The following MYO10 variants were observed in gnomAD, a reference collection of about 807,000 sequenced individuals.
The protein encoded by MYO10 is myosin X.
MYO10 carries 133 observed loss-of-function variants against 257.3 expected under a neutral mutation model. The ratio of observed to expected loss-of-function variants is 0.52; its 90% CI spans 0.45 to 0.60. MYO10 has a LOEUF of 0.60. Ranked by LOEUF, MYO10 falls within the 20% of genes least tolerant of loss-of-function variation. The pLI is 0.00. For synonymous variants in MYO10, 1,104 were observed against 1,028.6 expected (o/e 1.07, Z -1.40); for missense variants, 2,399 against 2,635.7 (o/e 0.91, Z 1.97).
intron 1 of MYO10, among the ~76,000 whole-genome samples, chr5:16,906,216 C>A (rs1745514846): frequency 6.6e-6 from 1 of 151,830 alleles, no homozygotes; most frequent in Non-Finnish European, 1.5e-5. Context: ...CCAGAATGGA[C>A]CCCCCCATTC....
chr5:16,707,867 A>C (rs1738417241), intron 21 of MYO10, among the ~76,000 whole-genome samples: 1 of 152,198 alleles, frequency 6.6e-6, no homozygotes, highest in Admixed American at 6.5e-5. Context: ...TGTTTTGGAT[A>C]AGTCAGCCAG....
chr5:16,929,232 C>A (rs1746229237), intron 1 of MYO10, among the ~76,000 whole-genome samples: 1 of 152,258 alleles, frequency 6.6e-6, no homozygotes, highest in East Asian at 1.9e-4. Flanking sequence ...GGATTACAGG[C>A]ATGAGCCACT....
chr5:16,711,294 T>C, intron 19 of MYO10, 49 bp from the exon 20 acceptor site: 3 of 1,568,086 alleles, frequency 1.9e-6, no homozygotes, highest in Non-Finnish European at 2.6e-6. Flanking sequence ...AAAAATGGAA[T>C]TCGATAAGGG....
chr5:16,854,030 G>C (rs1355664815), intron 2 of MYO10: 1 of 151,996 alleles, frequency 6.6e-6, no homozygotes, highest in Non-Finnish European at 1.5e-5. Flanking sequence ...TCGTGATCTC[G>C]TCTGATCTCG....
At chr5:16,747,298 A>T (rs920685506) in intron 19 of MYO10, among the ~76,000 whole-genome samples, 1 of 152,222 alleles carries the variant, frequency 6.6e-6, no homozygotes, top group African/African-American at 2.4e-5. Context: ...ATCAAAGATG[A>T]TCAGAAGAGA....
In MYO10 at chr5:16,843,243, C is replaced by T. The variant is rs545757720; in HGVS notation, c.121-25076G>A. On this transcript the variant is annotated intron_variant, in intron 2 of 40. Coordinates refer to ENST00000513610, the MANE Select transcript of MYO10 (RefSeq NM_012334.3). Reference sequence around the variant, plus strand: ...CAAGTATGCTCCACGCCCCATTCTCCCCTTCTAATTTTCTATGGCAATGAC... The same window carrying T: ...CAAGTATGCTCCACGCCCCATTCTCTCCTTCTAATTTTCTATGGCAATGAC... Among the ~76,000 whole-genome samples the T allele has an allele frequency of 5.3e-5, 8 of 152,290 alleles. No individual in the cohort carries two copies. In the East Asian group the frequency reaches 1.5e-3, roughly 29 times the overall value.
chr5:16,674,826 C>T (rs771500842), intron 35 of MYO10, 27 bp downstream of exon 35: 2 of 1,612,620 alleles, frequency 1.2e-6, no homozygotes, highest in Non-Finnish European at 1.7e-6. Flanking sequence ...CTCTGCCCAG[C>T]TCATCTCCCG....
intron 28 of MYO10, among the ~76,000 whole-genome samples, chr5:16,687,002 A>G (rs1384325968): frequency 6.6e-6 from 1 of 152,104 alleles, no homozygotes; most frequent in African/African-American, 2.4e-5. Flanking sequence ...GTACTCTCAC[A>G]TCCAACCTCA....
At chr5:16,925,707 C>T (rs62371042) in intron 1 of MYO10, among the ~76,000 whole-genome samples, 4 of 152,144 alleles carry the variant, frequency 2.6e-5, no homozygotes, top group Admixed American at 6.6e-5. Flanking sequence ...CCACCGTGTC[C>T]GGCCTCAGTT....
intron 2 of MYO10, 130 bp from the exon 3 acceptor site, chr5:16,818,297 T>C: frequency 2.6e-6 from 2 of 775,538 alleles, no homozygotes; most frequent in Middle Eastern, 3.4e-4. Context: ...CAATCAAAAA[T>C]ATATCGCAAA....
At chr5:16,707,691 A>T (rs1455652912) in intron 21 of MYO10, among the ~76,000 whole-genome samples, 1 of 152,158 alleles carries the variant, frequency 6.6e-6, no homozygotes, top group African/African-American at 2.4e-5. Context: ...AAGGAGAGGG[A>T]CCAGCTGCCC....
intron 31 of MYO10, among the ~76,000 whole-genome samples, 165 bp downstream of exon 31, chr5:16,681,706 C>T (rs547134430): frequency 6.6e-6 from 1 of 152,278 alleles, no homozygotes; most frequent in Admixed American, 6.5e-5. Context: ...AAACATGACC[C>T]TCTAGAAACA....
intron 9 of MYO10, among the ~76,000 whole-genome samples, chr5:16,769,995 T>C (rs907805299): frequency 6.6e-6 from 1 of 152,056 alleles, no homozygotes; most frequent in Admixed American, 6.6e-5. Flanking sequence ...CTCAAACTCC[T>C]GGCCTCAAGC....
At position 16,670,985 on chromosome 5, in the gene MYO10, G is replaced by A. The variant is rs1361142991; in HGVS notation, c.5431-7C>T. On this transcript the variant is annotated splice_region_variant and splice_polypyrimidine_tract_variant and intron_variant, in intron 38 of 40. Transcript: ENST00000513610. ...GGATAACCGCTTCGTGGGCCTGAAA[G>A]GAGACAGTCAACAGCTTTCCGGTCA... 1.2e-6 allele frequency: 2 copies of A among 1,601,420 alleles called. No individual in the cohort carries two copies. The highest frequency in any genetic ancestry group is 2.2e-5 in the East Asian group (1 of 44,588).
At chr5:16,710,848 G>T in intron 21 of MYO10, 60 bp downstream of exon 21, 1 of 1,422,892 alleles carries the variant, frequency 7.0e-7, no homozygotes, top group Non-Finnish European at 9.8e-7. Flanking sequence ...TAAACCCTGT[G>T]AGCATCACCC....
chr5:16,752,564 G>A (rs1740406841), intron 19 of MYO10, among the ~76,000 whole-genome samples: 1 of 152,158 alleles, frequency 6.6e-6, no homozygotes, highest in Non-Finnish European at 1.5e-5. Context: ...GGGATTACAG[G>A]CGTGAGCCAC....
chr5:16,866,985 C>G (rs1334605461), intron 2 of MYO10, among the ~76,000 whole-genome samples: 3 of 152,232 alleles, frequency 2.0e-5, no homozygotes, highest in Non-Finnish European at 2.9e-5. Context: ...CTGCCACTCA[C>G]TCAGTCTCCC....
At chr5:16,835,687 A>G (rs9312935) in intron 2 of MYO10, among the ~76,000 whole-genome samples, 14,654 of 151,650 alleles carry the variant, frequency 0.097, 1,343 homozygotes, top group African/African-American at 0.24. Context: ...TATCAAGGAA[A>G]TCTGTAGAAA....
At chr5:16,716,752 C>T (rs1021865227) in intron 19 of MYO10, among the ~76,000 whole-genome samples, 113 of 151,960 alleles carry the variant, frequency 7.4e-4, no homozygotes, top group African/African-American at 2.6e-3. Context: ...TTTCCAGAGC[C>T]GGCCAAGATT....
Sources: gnomAD v4.1 joint callset for allele counts (sites outside exome capture counted in the v4.1 genomes callset) on GRCh38, gnomAD v4.1.1 for gene constraint, MANE v1.5 for transcripts, NCBI Gene and HGNC (gene_info 2026-07-23, HGNC 2026-07-21) for gene names.